Variants in KDM4B observed in about 807,000 individuals in gnomAD.
The protein encoded by KDM4B is lysine-specific demethylase 4B.
In KDM4B, 32 loss-of-function variants were observed where a neutral mutation model predicts 125.2. The observed-to-expected ratio is 0.26, with a 90% CI of 0.19 to 0.34. KDM4B has a LOEUF of 0.34. KDM4B is among the 10% of genes least tolerant of loss of function. The pLI, the probability that KDM4B is intolerant of heterozygous loss-of-function variation, is 1.00. For missense variants in KDM4B, 1,190 were observed against 1,577.7 expected (o/e 0.75, Z 4.16); for synonymous variants, 721 against 677.9 (o/e 1.06, Z -0.99).
chr19:5,016,283 T>C lies in KDM4B; in HGVS notation c.-82T>C, dbSNP rs2035889974. On this transcript the variant is annotated 5_prime_UTR_variant, in exon 2 of 23. Transcript: ENST00000159111. ...AACCATCACTGTTGCTGGAGGCACC[T>C]GACAAATCCTAGCGAATTTTTGGAG... 1 of 152,260 alleles carries C rather than the reference T, an allele frequency of 6.6e-6. No individual in the cohort carries two copies. The highest frequency in any genetic ancestry group is 1.5e-5 in the Non-Finnish European group (1 of 68,054). 9.4% of individuals were successfully genotyped at this position (152,260 alleles called of 1,614,324 possible). A position where few individuals can be genotyped will look rare whatever the true frequency, so the allele number is the denominator to read the frequency against.
intron 9 of KDM4B, among the ~76,000 whole-genome samples, chr19:5,087,017 C>T (rs1371319124): frequency 2.6e-5 from 4 of 152,270 alleles, no homozygotes; most frequent in African/African-American, 7.2e-5. Context: ...CAGGGCCCTG[C>T]GCGCACACAC....
chr19:5,081,432 C>T lies in KDM4B; in HGVS notation c.781-935C>T, dbSNP rs2145867293. 6.6e-6 allele frequency among the ~76,000 whole-genome samples: 1 copy of T among 152,218 alleles called. No homozygotes were observed. The highest frequency in any genetic ancestry group is 2.1e-4 in the South Asian group (1 of 4,820). ...CAGAGTGGGGAGGGTTCCTAGGGCA[C>T]AAGGCTGTAGCCCCCCAGCCCTGGT... On this transcript the variant is annotated intron_variant, in intron 8 of 22. Transcript: ENST00000159111. This position sits in a 1 kb window ranked among gnomAD's most constrained non-coding sequence, Gnocchi z 4.2.
chr19:5,125,770 GCCCACCC>G (rs372829441), intron 11 of KDM4B, among the ~76,000 whole-genome samples: 2 of 151,834 alleles, frequency 1.3e-5, no homozygotes, highest in African/African-American at 4.8e-5. Context: ...GACTGGTGCT[GCCCACCC>G]CCCGCCCCCC....
At chr19:5,057,077 C>CGT (rs2037433986) in intron 6 of KDM4B, among the ~76,000 whole-genome samples, 1 of 150,276 alleles carries the variant, frequency 6.7e-6, no homozygotes, top group African/African-American at 2.5e-5. Flanking sequence ...CGCGCGCGCG[C>CGT]GTATGTTAGC....
chr19:5,031,834 G>A (rs568658840), intron 2 of KDM4B, among the ~76,000 whole-genome samples: 3 of 152,336 alleles, frequency 2.0e-5, no homozygotes, highest in African/African-American at 7.2e-5. Flanking sequence ...GCACCTTGGT[G>A]GCTGGGAACC....
chr19:5,083,382 G>A (rs1307226536), intron 9 of KDM4B, among the ~76,000 whole-genome samples: 3 of 152,198 alleles, frequency 2.0e-5, no homozygotes, highest in Non-Finnish European at 2.9e-5. Flanking sequence ...GGACGTGGAC[G>A]GGGCTTATGA....
chr19:5,119,501 C>A, intron 10 of KDM4B, 152 bp from the exon 11 acceptor site: 1 of 803,846 alleles, frequency 1.2e-6, no homozygotes, highest in Non-Finnish European at 2.1e-6. Context: ...CCCAGGGTTC[C>A]CTTTACCCCC....
chr19:5,060,908 A>G (rs1599531623), intron 6 of KDM4B, among the ~76,000 whole-genome samples: 1 of 152,212 alleles, frequency 6.6e-6, no homozygotes, highest in Non-Finnish European at 1.5e-5. Context: ...AATAAAAGTA[A>G]TTTGTGGGCC....
chr19:5,068,979 C>T (rs544186453), intron 6 of KDM4B, among the ~76,000 whole-genome samples: 5 of 152,310 alleles, frequency 3.3e-5, no homozygotes, highest in African/African-American at 7.2e-5. Flanking sequence ...AGTTCCTTCC[C>T]GTCCCCAGCA....
chr19:5,148,573 G>C (rs973672192), intron 21 of KDM4B, among the ~76,000 whole-genome samples: 1 of 152,240 alleles, frequency 6.6e-6, no homozygotes, highest in African/African-American at 2.4e-5. Context: ...CCGAGTCGGG[G>C]CCGGGGAGCT....
chr19:4,987,115 C>T (rs1321452562), intron 1 of KDM4B, among the ~76,000 whole-genome samples: 1 of 152,072 alleles, frequency 6.6e-6, no homozygotes, highest in Non-Finnish European at 1.5e-5. Flanking sequence ...CCCGCCACTA[C>T]GCCTGGCTAA....
At chr19:5,096,764 C>G (rs1307902668) in intron 9 of KDM4B, among the ~76,000 whole-genome samples, 1 of 145,190 alleles carries the variant, frequency 6.9e-6, no homozygotes, top group African/African-American at 2.6e-5. Context: ...GTGTCGGTGG[C>G]GCGTGTTGCC....
chr19:5,122,672 C>T (rs750306599), intron 11 of KDM4B, among the ~76,000 whole-genome samples: 1 of 152,236 alleles, frequency 6.6e-6, no homozygotes, highest in African/African-American at 2.4e-5. Flanking sequence ...AGGGAAGACA[C>T]TCGCCACCCG....
chr19:5,131,862 C>T lies in KDM4B; in HGVS notation c.1786-25C>T, dbSNP rs754346915. ...ACCCAGGGGTCTGTAGCGGGGCCCT[C>T]ACTACAGCCTGTTGTGTGTTTCAGG... On this transcript the variant is annotated intron_variant, in intron 12 of 22. Transcript: ENST00000159111. 5 of 1,612,614 alleles carry T rather than the reference C, an allele frequency of 3.1e-6. No homozygotes were observed. In the East Asian group the frequency reaches 8.9e-5, roughly 29 times the overall value.
chr19:4,988,091 G>A (rs1284404807), intron 1 of KDM4B, among the ~76,000 whole-genome samples: 2 of 152,178 alleles, frequency 1.3e-5, no homozygotes, highest in Non-Finnish European at 2.9e-5. Context: ...CGCGAGCAAA[G>A]CGGTGCAGGG....
Position 5,110,765 on chromosome 19 carries a change from G to C in KDM4B, c.1062G>C (p.Glu354Asp), listed in dbSNP as rs1568303783. Residue 354 changes from glutamate (E) to aspartate (D), a missense_variant, in exon 10 of 23, where the codon GAG becomes GAC. By Grantham distance (45) the Glu-to-Asp change is conservative. This residue lies in a region of KDM4B where 428 missense variants were observed against 405.1 expected (regional missense o/e 1.06). Coordinates refer to ENST00000159111, the MANE Select transcript of KDM4B (RefSeq NM_015015.3). ...GGCCCACGGCGCTCACCAGCCCCGAGCTGAGCTCCTGGAGTGCATCCCGGG... is the reference window on the plus strand; with the variant it reads ...GGCCCACGGCGCTCACCAGCCCCGACCTGAGCTCCTGGAGTGCATCCCGGG... The part of the protein sequence containing the change: ...HTRPTALTSP[E>D]LSSWSASRAS... The C allele has an allele frequency of 3.1e-6, 5 of 1,609,276 alleles. No homozygotes were observed. The highest frequency in any genetic ancestry group is 4.2e-6 in the Non-Finnish European group (5 of 1,178,268).
chr19:5,019,882 T>C (rs1437612840), intron 2 of KDM4B, among the ~76,000 whole-genome samples: 2 of 136,692 alleles, frequency 1.5e-5, no homozygotes, highest in Non-Finnish European at 3.1e-5. Context: ...GTGCAGGTGT[T>C]GGTGTGCAGG....
intron 1 of KDM4B, among the ~76,000 whole-genome samples, chr19:5,006,101 G>A (rs2035549431): frequency 6.6e-6 from 1 of 152,074 alleles, no homozygotes; most frequent in Non-Finnish European, 1.5e-5. Context: ...GGGGCTGGTG[G>A]CGGCGGCAGG....
rs1599415402 is a variant in KDM4B at position 5,014,362 on chromosome 19, C to T, written c.-108-1895C>T. Among the ~76,000 whole-genome samples, 4 of 152,124 alleles carry T rather than the reference C, an allele frequency of 2.6e-5. No homozygotes were observed. In the South Asian group the frequency reaches 8.3e-4, roughly 32 times the overall value. On this transcript the variant is annotated intron_variant, in intron 1 of 22. Transcript: ENST00000159111. ...CACGATCTCGGCTCGCTGCAAGCTC[C>T]ACCTCCTGGGTTCACGCCATTCTCC...
Sources: allele counts gnomAD v4.1 joint callset (sites outside exome capture counted in the v4.1 genomes callset), GRCh38; gene constraint gnomAD v4.1.1; regional missense constraint gnomAD v4.1.1; non-coding constraint Gnocchi (gnomAD v3.1); transcripts MANE v1.5; gene names NCBI Gene and HGNC (gene_info 2026-07-23, HGNC 2026-07-21).